SSPN: variants seen among roughly 807,000 people sequenced by gnomAD.
SSPN encodes the protein sarcospan.
SSPN carries 15 observed loss-of-function variants against 19.1 expected under a neutral mutation model. The ratio of observed to expected loss-of-function variants is 0.78; its 90% CI spans 0.52 to 1.21. The LOEUF is 1.21. Ranked by LOEUF, SSPN falls within the 50% of genes most tolerant of loss-of-function variation. SSPN has a pLI of 0.00. For missense variants in SSPN, 291 were observed against 314.0 expected (o/e 0.93, Z 0.55); for synonymous variants, 147 against 140.3 (o/e 1.05, Z -0.34).
At chr12:26,192,644 A>G (rs546380823), upstream of SSPN, among the ~76,000 whole-genome samples, 1 of 152,310 alleles carries the variant, frequency 6.6e-6, no homozygotes, top group African/African-American at 2.4e-5. Context: ...CACAGATTCA[A>G]CCATGCTGTT....
chr12:26,135,619 CA>C (rs1944420900), intron 1 of SSPN, among the ~76,000 whole-genome samples: 1 of 152,220 alleles, frequency 6.6e-6, no homozygotes, highest in African/African-American at 2.4e-5. Context: ...GCCAACTTTG[CA>C]TTTCCTCCTG....
intron 1 of SSPN, among the ~76,000 whole-genome samples, chr12:26,165,756 C>T (rs959960795): frequency 6.6e-6 from 1 of 152,118 alleles, no homozygotes; most frequent in Non-Finnish European, 1.5e-5. Context: ...CATTATCAAC[C>T]TAGGATAGAG....
intron 1 of SSPN, among the ~76,000 whole-genome samples, chr12:26,222,928 A>T (rs148032723): frequency 1.1e-4 from 17 of 152,252 alleles, no homozygotes; most frequent in African/African-American, 3.6e-4. Flanking sequence ...AATAGCCAAG[A>T]TGTATAGATT....
intron 2 of SSPN, 63 bp from the exon 3 acceptor site, chr12:26,230,648 G>A (rs1025442217): frequency 5.9e-6 from 9 of 1,519,274 alleles, no homozygotes; most frequent in Admixed American, 4.3e-5. Context: ...TGATGAATTC[G>A]CTTTGCAAAT....
At chr12:26,198,180 T>G (rs373858574) in intron 1 of SSPN, among the ~76,000 whole-genome samples, 1 of 151,432 alleles carries the variant, frequency 6.6e-6, no homozygotes, top group African/African-American at 2.4e-5. Context: ...GGGGGGTTTT[T>G]GGAGACAGAG....
In SSPN at chr12:26,195,641, G is replaced by GCGGGGGGGCCCCC; in HGVS notation, c.-31_-30insGGGGGGGCCCCCC. ...CTCCAGGGCCCAGGGCGCCGCACAC[G>GCGGGGGGGCCCCC]CACCCACCCACCCACCCAGCCTCGC... On this transcript the variant is annotated 5_prime_UTR_variant, in exon 1 of 3. Coordinates refer to ENST00000242729, the MANE Select transcript of SSPN (RefSeq NM_005086.5). 1 of 1,105,398 alleles carries GCGGGGGGGCCCCC rather than the reference G, an allele frequency of 9.0e-7. No homozygotes were observed. The highest frequency in any genetic ancestry group is 1.7e-5 in the African/African-American group (1 of 60,322). The allele number at this position is 1,105,398 out of a possible 1,614,324, so 68.5% of individuals were successfully genotyped here. A position where few individuals can be genotyped will look rare whatever the true frequency, so the allele number is the denominator to read the frequency against.
At chr12:26,127,762 A>G (rs1944375022) in intron 1 of SSPN, among the ~76,000 whole-genome samples, 1 of 151,028 alleles carries the variant, frequency 6.6e-6, no homozygotes, top group African/African-American at 2.4e-5. Flanking sequence ...TTGATCTTTC[A>G]CCCTGGTGAC....
At chr12:26,175,621 A>G (rs1047709603) in intron 1 of SSPN, among the ~76,000 whole-genome samples, 15 of 152,186 alleles carry the variant, frequency 9.9e-5, no homozygotes, top group Admixed American at 2.6e-4. Context: ...TTAAAGAGCT[A>G]TACAGAAAAG....
chr12:26,161,459 C>A (rs755519924), intron 1 of SSPN, among the ~76,000 whole-genome samples: 101 of 152,196 alleles, frequency 6.6e-4, no homozygotes, highest in Non-Finnish European at 1.2e-3. Context: ...CCTGCCCCAT[C>A]GAATTCTGCA....
chr12:26,163,031 A>ATGTGTGTG (rs1225462877), intron 1 of SSPN, among the ~76,000 whole-genome samples: 5 of 69,844 alleles, frequency 7.2e-5, no homozygotes, highest in Non-Finnish European at 1.8e-4. Context: ...GTGCTTCAAG[A>ATGTGTGTG]CGTGTGTGTG....
At chr12:26,217,088 G>A (rs1284622393) in intron 1 of SSPN, among the ~76,000 whole-genome samples, 6 of 149,314 alleles carry the variant, frequency 4.0e-5, no homozygotes, top group Non-Finnish European at 5.9e-5. Flanking sequence ...GAACTTTAAA[G>A]TAGTTTTTTC....
intron 1 of SSPN, among the ~76,000 whole-genome samples, chr12:26,133,625 A>G (rs189863549): frequency 1.0e-3 from 146 of 145,976 alleles, no homozygotes; most frequent in African/African-American, 3.4e-3. Context: ...CAATTGGTTC[A>G]GGGAAACCTG....
intron 1 of SSPN, among the ~76,000 whole-genome samples, chr12:26,151,988 T>A (rs1944528601): frequency 6.6e-6 from 1 of 152,202 alleles, no homozygotes; most frequent in Non-Finnish European, 1.5e-5. Context: ...GATAATACTT[T>A]TGAATCCTGA....
chr12:26,186,434 A>G (rs898632479), intron 1 of SSPN, among the ~76,000 whole-genome samples: 5 of 152,254 alleles, frequency 3.3e-5, no homozygotes, highest in Non-Finnish European at 5.9e-5. Context: ...GGCACCTGGC[A>G]TTTCCTCATA....
chr12:26,212,113 A>G (rs1027882181), intron 1 of SSPN, among the ~76,000 whole-genome samples: 1 of 152,186 alleles, frequency 6.6e-6, no homozygotes, highest in African/African-American at 2.4e-5. Flanking sequence ...AAGAGATCTA[A>G]ATTTAACAAA....
intron 2 of SSPN, among the ~76,000 whole-genome samples, chr12:26,227,029 G>A (rs561769496): frequency 7.1e-4 from 108 of 152,178 alleles, no homozygotes; most frequent in African/African-American, 2.3e-3. Flanking sequence ...CGGGCTGATG[G>A]GCTGACACCC....
At chr12:26,227,894 T>G (rs1945193410) in intron 2 of SSPN, among the ~76,000 whole-genome samples, 1 of 152,228 alleles carries the variant, frequency 6.6e-6, no homozygotes, top group Non-Finnish European at 1.5e-5. Flanking sequence ...GCTGCGCACT[T>G]GTTAAATGGT....
chr12:26,234,050 A>ATC lies in SSPN; in HGVS notation c.*2980_*2981dup. ...TTTTTTCTTTGGATTAAAAGTGTATATCTCTCTACTGAGGGGTTTCCAGCT... is the reference window on the plus strand; with the variant it reads ...TTTTTTCTTTGGATTAAAAGTGTATATCTCTCTCTACTGAGGGGTTTCCAGCT... On this transcript the variant is annotated 3_prime_UTR_variant, in exon 3 of 3. Coordinates refer to ENST00000242729, the MANE Select transcript of SSPN (RefSeq NM_005086.5). 6.6e-6 allele frequency: 1 copy of ATC among 152,296 alleles called. No individual in the cohort carries two copies. 9.4% of individuals were successfully genotyped at this position (152,296 alleles called of 1,614,324 possible).
At chr12:26,141,411 C>T (rs1944459952) in intron 1 of SSPN, among the ~76,000 whole-genome samples, 1 of 152,180 alleles carries the variant, frequency 6.6e-6, no homozygotes, top group Admixed American at 6.5e-5. Flanking sequence ...CAATGAGAAC[C>T]ATGAAAGACT....
Sources: gnomAD v4.1 joint callset for allele counts (sites outside exome capture counted in the v4.1 genomes callset) on GRCh38, gnomAD v4.1.1 for gene constraint, MANE v1.5 for transcripts, NCBI Gene and HGNC (gene_info 2026-07-23, HGNC 2026-07-21) for gene names.